DDAH1: variants seen among roughly 807,000 people sequenced by gnomAD.
DDAH1 encodes the protein N(G),N(G)-dimethylarginine dimethylaminohydrolase 1.
Under a neutral mutation model 28.8 loss-of-function variants are expected in DDAH1, and 19 were observed. The ratio of observed to expected loss-of-function variants is 0.66; its 90% CI spans 0.46 to 0.97. DDAH1 has a LOEUF of 0.97. Among genes scored for constraint, DDAH1 ranks in the 50% least tolerant of loss-of-function variants. DDAH1 has a pLI of 0.00. For missense variants in DDAH1, 326 were observed against 375.9 expected (o/e 0.87, Z 1.10); for synonymous variants, 153 against 154.4 (o/e 0.99, Z 0.07).
At chr1:85,509,486 C>T (rs1424764120) in intron 1 of DDAH1, among the ~76,000 whole-genome samples, 1 of 152,162 alleles carries the variant, frequency 6.6e-6, no homozygotes, top group Non-Finnish European at 1.5e-5. Flanking sequence ...CAGAGAATGA[C>T]TTTGATGAGT....
intron 1 of DDAH1, among the ~76,000 whole-genome samples, chr1:85,439,376 A>G (rs1237255067): frequency 1.3e-5 from 2 of 152,268 alleles, no homozygotes; most frequent in Non-Finnish European, 2.9e-5. Context: ...GTAACATGCG[A>G]GTAAATGTCA....
At chr1:85,552,557 A>T (rs921359066) in intron 1 of DDAH1, among the ~76,000 whole-genome samples, 1 of 152,108 alleles carries the variant, frequency 6.6e-6, no homozygotes, top group Non-Finnish European at 1.5e-5. Context: ...TCTTCTCATC[A>T]TCATTATATC....
intron 1 of DDAH1, among the ~76,000 whole-genome samples, chr1:85,502,730 G>A (rs1377358629): frequency 6.6e-6 from 1 of 152,180 alleles, no homozygotes; most frequent in Non-Finnish European, 1.5e-5. Flanking sequence ...CTCCAGGCCA[G>A]GCAGTTTCTC....
intron 1 of DDAH1, among the ~76,000 whole-genome samples, chr1:85,558,554 A>T (rs1195259207): frequency 6.6e-6 from 1 of 152,200 alleles, no homozygotes. Flanking sequence ...CTCCAGTTCT[A>T]GTTTGTGATG....
At chr1:85,550,420 C>A (rs7531068) in intron 1 of DDAH1, among the ~76,000 whole-genome samples, 134,655 of 152,178 alleles carry the variant, frequency 0.88, 59,683 homozygotes, top group South Asian at 0.95. Flanking sequence ...ACCCCACCTC[C>A]TGAACTACTC....
intron 1 of DDAH1, among the ~76,000 whole-genome samples, chr1:85,518,939 T>G (rs1366702777): frequency 3.3e-5 from 5 of 152,110 alleles, no homozygotes; most frequent in African/African-American, 1.2e-4. Context: ...TCATCATCAT[T>G]GCTATGTAGC....
intron 1 of DDAH1, among the ~76,000 whole-genome samples, chr1:85,426,805 G>T (rs1296138951): frequency 2.0e-5 from 3 of 151,462 alleles, no homozygotes; most frequent in African/African-American, 7.3e-5. Flanking sequence ...CTAGCTACTT[G>T]GGAGGCTGAG....
intron 4 of DDAH1, among the ~76,000 whole-genome samples, chr1:85,342,855 G>T (rs1295027414): frequency 6.6e-6 from 1 of 152,166 alleles, no homozygotes. Flanking sequence ...AAATGCAGAT[G>T]CCTGGGTTCC....
chr1:85,490,971 A>G (rs1334062128), intron 2 of DDAH1, among the ~76,000 whole-genome samples: 1 of 151,454 alleles, frequency 6.6e-6, no homozygotes, highest in Non-Finnish European at 1.5e-5. Flanking sequence ...ATTATAACTC[A>G]TTGAAGGTGA....
chr1:85,439,013 T>G (rs1654071440), intron 1 of DDAH1, among the ~76,000 whole-genome samples: 1 of 152,226 alleles, frequency 6.6e-6, no homozygotes, highest in Non-Finnish European at 1.5e-5. Context: ...GTATTTAACT[T>G]CTTTGAACTC....
intron 2 of DDAH1, among the ~76,000 whole-genome samples, chr1:85,478,267 A>G (rs761160960): frequency 2.6e-5 from 4 of 152,210 alleles, no homozygotes; most frequent in Non-Finnish European, 4.4e-5. Context: ...AGAAGTTTCC[A>G]CTCTAACTTG....
rs533196938 is a variant in DDAH1 at position 85,426,012 on chromosome 1, C to T, written c.303+38731G>A. On this transcript the variant is annotated intron_variant, in intron 1 of 5. Transcript: ENST00000284031. The stretch of plus-strand genomic sequence containing the variant: ...TCCTGTCCTGGTGGACCTCACATTA[C>T]GTTCATTACTAACAGGGATAATTTC... Among the ~76,000 whole-genome samples the T allele has an allele frequency of 1.6e-4, 25 of 152,240 alleles. No individual in the cohort carries two copies. The South Asian group carries it at 4.4e-3, about 27-fold the overall frequency.
intron 1 of DDAH1, among the ~76,000 whole-genome samples, chr1:85,421,852 G>A (rs752261329): frequency 4.6e-5 from 7 of 152,224 alleles, no homozygotes; most frequent in Non-Finnish European, 8.8e-5. Flanking sequence ...GGACATCTTG[G>A]TTACTTCCAG....
intron 1 of DDAH1, among the ~76,000 whole-genome samples, chr1:85,419,695 A>C (rs1240548591): frequency 1.3e-5 from 2 of 152,142 alleles, no homozygotes; most frequent in Non-Finnish European, 2.9e-5. Flanking sequence ...TTCTTACGTT[A>C]GTATGATGCA....
At chr1:85,511,414 G>C (rs1020328444) in intron 1 of DDAH1, among the ~76,000 whole-genome samples, 1 of 152,074 alleles carries the variant, frequency 6.6e-6, no homozygotes, top group Admixed American at 6.5e-5. Flanking sequence ...ATCTAAAATC[G>C]ACATCATAAC....
chr1:85,392,449 A>G (rs772116190), intron 1 of DDAH1, among the ~76,000 whole-genome samples: 4 of 152,184 alleles, frequency 2.6e-5, no homozygotes, highest in Admixed American at 6.5e-5. Context: ...ACGAATTCTG[A>G]GAGGGTATCA....
intron 4 of DDAH1, among the ~76,000 whole-genome samples, chr1:85,349,336 A>C (rs1412176800): frequency 1.3e-5 from 2 of 152,326 alleles, no homozygotes; most frequent in East Asian, 3.9e-4. Context: ...CAGATAATAC[A>C]GAGAGGAAAT....
At chr1:85,484,505 A>G (rs1387396788) in intron 2 of DDAH1, among the ~76,000 whole-genome samples, 1 of 152,094 alleles carries the variant, frequency 6.6e-6, no homozygotes, top group African/African-American at 2.4e-5. Flanking sequence ...CAAAGGTTAA[A>G]TTCTTTACTT....
intron 1 of DDAH1, among the ~76,000 whole-genome samples, chr1:85,437,540 C>T (rs1417562006): frequency 6.6e-6 from 1 of 152,040 alleles, no homozygotes; most frequent in Non-Finnish European, 1.5e-5. Flanking sequence ...TTATGATTTG[C>T]TTAATAACAT....
Sources: gnomAD v4.1 joint callset for allele counts (sites outside exome capture counted in the v4.1 genomes callset) on GRCh38, gnomAD v4.1.1 for gene constraint, MANE v1.5 for transcripts, NCBI Gene and HGNC (gene_info 2026-07-23, HGNC 2026-07-21) for gene names.